Variants in EPAS1 observed in about 807,000 individuals in gnomAD.
EPAS1 encodes endothelial PAS domain-containing protein 1.
Under a neutral mutation model 87.9 loss-of-function variants are expected in EPAS1, and 23 were observed. The observed-to-expected ratio is 0.26, with a 90% confidence interval of 0.19 to 0.37. The LOEUF is 0.37. EPAS1 is among the 10% of genes least tolerant of loss of function. EPAS1 has a pLI of 1.00. For missense variants in EPAS1, 1,138 were observed against 1,120.7 expected (o/e 1.02, Z -0.22); for synonymous variants, 508 against 444.3 (o/e 1.14, Z -1.80).
Position 46,377,877 on chromosome 2 carries a change from G to A in EPAS1, c.1250-17G>A, listed in dbSNP as rs1349367102. The A allele has an allele frequency of 1.3e-6, 2 of 1,551,762 alleles. No individual in the cohort carries two copies. Among genetic ancestry groups the A allele is most frequent in the Non-Finnish European group, 1.7e-6 (2 of 1,147,054 alleles). On this transcript the variant is annotated splice_polypyrimidine_tract_variant and intron_variant, in intron 9 of 15. Transcript: ENST00000263734. ...GATGGTTGTGGGTGTTCACCTCCCA[G>A]GCCCTTGTCTCCACAGGGAATCAGA...
chr2:46,347,220 T>A lies in EPAS1; in HGVS notation c.217+157T>A. 1.3e-6 allele frequency: 1 copy of A among 793,582 alleles called. No homozygotes were observed. The highest frequency in any genetic ancestry group is 2.1e-6 in the Non-Finnish European group (1 of 474,318). The allele number at this position is 793,582 out of a possible 1,614,324, so 49.2% of individuals were successfully genotyped here. A position where few individuals can be genotyped will look rare whatever the true frequency, so the allele number is the denominator to read the frequency against. On this transcript the variant is annotated intron_variant, in intron 2 of 15. Coordinates refer to ENST00000263734, the MANE Select transcript of EPAS1 (RefSeq NM_001430.5). This position sits in a 1 kb window ranked among gnomAD's most constrained non-coding sequence, Gnocchi z 4.2. ...TCATGAGTGATTTATTCCTTCATGT[T>A]AAACATCTCTCTTCCAGCAGTGACC... is the stretch of plus-strand genomic sequence containing the variant.
intron 6 of EPAS1, among the ~76,000 whole-genome samples, chr2:46,363,099 T>C (rs745564377): frequency 3.3e-5 from 5 of 152,156 alleles, no homozygotes; most frequent in Non-Finnish European, 5.9e-5. Flanking sequence ...TAAGGTTATT[T>C]ATCAGATGCA....
chr2:46,382,380 C>T, intron 14 of EPAS1, 45 bp from the exon 15 acceptor site: 1 of 1,609,820 alleles, frequency 6.2e-7, no homozygotes, highest in Non-Finnish European at 8.5e-7. Flanking sequence ...CCTCTCCCCT[C>T]CCTCAGGCCA....
intron 2 of EPAS1, among the ~76,000 whole-genome samples, chr2:46,351,646 G>A (rs1432542580): frequency 6.6e-6 from 1 of 152,210 alleles, no homozygotes; most frequent in Non-Finnish European, 1.5e-5. Flanking sequence ...GAAGGCCCCT[G>A]TGGTGGTCAC....
intron 10 of EPAS1, 79 bp from the exon 11 acceptor site, chr2:46,378,578 T>C: frequency 8.4e-7 from 1 of 1,190,946 alleles, no homozygotes; most frequent in Non-Finnish European, 1.2e-6. Flanking sequence ...TCCAGGAAGG[T>C]ATTTCTTCTT....
chr2:46,348,517 A>G (rs1684083166), intron 2 of EPAS1, among the ~76,000 whole-genome samples: 1 of 152,192 alleles, frequency 6.6e-6, no homozygotes, highest in African/African-American at 2.4e-5. Flanking sequence ...TAATGACTGG[A>G]TGGAGGCCCC....
chr2:46,360,965 G>A lies in EPAS1; in HGVS notation c.654G>A (p.Leu218=), dbSNP rs186340883. 1.9e-6 allele frequency: 3 copies of A among 1,614,186 alleles called. No individual in the cohort carries two copies. In the East Asian group the frequency reaches 6.7e-5, roughly 36 times the overall value. ...GTCTGTGTGGCTACAAGGAGCCCCT[G>A]CTGTCCTGCCTCATCATCATGTGTG... ...HNSLCGYKEP[L]LSCLIIMCEP... The change falls in exon 6 of 16, where the codon CTG becomes CTA. Residue 218 remains leucine, a synonymous_variant. Transcript: ENST00000263734. The surrounding 1 kb of genome is among the most constrained non-coding windows in gnomAD (Gnocchi z 4.5).
rs150560877 is a variant in EPAS1 at position 46,336,320 on chromosome 2, T to C, written c.27-10553T>C. On this transcript the variant is annotated intron_variant, in intron 1 of 15. Coordinates refer to ENST00000263734, the MANE Select transcript of EPAS1 (RefSeq NM_001430.5). ...TCCCCTGGTACTTACAGCACAGTTA[T>C]AGGAGTAGAACGTTTGCATAGAAAA... is the stretch of plus-strand genomic sequence containing the variant. Among the ~76,000 whole-genome samples the C allele has an allele frequency of 3.9e-5, 6 of 152,182 alleles. No individual in the cohort carries two copies. The East Asian group carries it at 9.7e-4, about 25-fold the overall frequency.
chr2:46,313,314 G>C (rs1358074237), intron 1 of EPAS1, among the ~76,000 whole-genome samples: 1 of 152,064 alleles, frequency 6.6e-6, no homozygotes, highest in Non-Finnish European at 1.5e-5. Flanking sequence ...AGGCTGGCCA[G>C]TTAACTTCTG....
intron 1 of EPAS1, among the ~76,000 whole-genome samples, chr2:46,332,617 C>A (rs942115732): frequency 1.3e-5 from 2 of 152,172 alleles, no homozygotes; most frequent in Admixed American, 1.3e-4. Context: ...TTCTTTAGCC[C>A]CACTTGCTGA....
chr2:46,323,512 C>G (rs1683494175), intron 1 of EPAS1, among the ~76,000 whole-genome samples: 1 of 152,210 alleles, frequency 6.6e-6, no homozygotes, highest in Non-Finnish European at 1.5e-5. Flanking sequence ...TCATACGGAA[C>G]TACAAATCTT....
intron 1 of EPAS1, among the ~76,000 whole-genome samples, chr2:46,337,162 A>C (rs916973215): frequency 1.4e-4 from 21 of 152,180 alleles, no homozygotes; most frequent in African/African-American, 4.8e-4. Flanking sequence ...GCTTTAGAGG[A>C]CACCAAAAGA....
chr2:46,377,945 C>G lies in EPAS1; in HGVS notation c.1301C>G (p.Pro434Arg). 1.9e-6 allele frequency: 3 copies of G among 1,558,362 alleles called. No individual in the cohort carries two copies. Among genetic ancestry groups the G allele is most frequent in the South Asian group, 1.2e-5 (1 of 84,534 alleles). Residue 434 changes from proline to arginine, a missense_variant, in exon 10 of 16, where the codon CCG (proline) becomes CGG (arginine). Pro to Arg is a moderately radical substitution (Grantham distance 103, BLOSUM62 -2). This residue lies in a region of EPAS1 where 284 missense variants were observed against 258.4 expected (regional missense o/e 1.10). Transcript: ENST00000263734. ...GCCTATGGCAAGGCCATCCTGCCCCCGAGCCAGCCATGGGCCACGGAGTTG... is the reference window on the plus strand; with the variant it reads ...GCCTATGGCAAGGCCATCCTGCCCCGGAGCCAGCCATGGGCCACGGAGTTG... ...SSAYGKAILP[P>R]SQPWATELRS...
At chr2:46,377,784 C>A (rs964652446) in intron 9 of EPAS1, 110 bp from the exon 10 acceptor site, 12 of 1,540,246 alleles carry the variant, frequency 7.8e-6, no homozygotes, top group Non-Finnish European at 9.7e-6. Context: ...TAGCCCCAGG[C>A]ATGCCTTCCA....
At chr2:46,344,968 G>C (rs571303320) in intron 1 of EPAS1, among the ~76,000 whole-genome samples, 24 of 152,220 alleles carry the variant, frequency 1.6e-4, no homozygotes, top group Non-Finnish European at 2.9e-4. Flanking sequence ...TGAGAGGCAT[G>C]CTCACATTCC....
rs1227022600 is a variant in EPAS1, at chr2:46,375,585, T to A, written c.887-105T>A. The stretch of plus-strand genomic sequence containing the variant: ...CTCACTGTCGTGGCGCCCTGTTCTG[T>A]CTGTTCCCCTGCAGATTAGACTGCC... On this transcript the variant is annotated intron_variant, in intron 7 of 15. Coordinates refer to ENST00000263734, the MANE Select transcript of EPAS1 (RefSeq NM_001430.5). This position sits in a 1 kb window ranked among gnomAD's most constrained non-coding sequence, Gnocchi z 4.1. 7.0e-7 allele frequency: 1 copy of A among 1,433,206 alleles called. No individual in the cohort carries two copies. The highest frequency in any genetic ancestry group is 1.4e-5 in the African/African-American group (1 of 70,408). The allele number at this position is 1,433,206 out of a possible 1,614,324, so 88.8% of individuals were successfully genotyped here. A position where few individuals can be genotyped will look rare whatever the true frequency, so the allele number is the denominator to read the frequency against.
Position 46,381,399 on chromosome 2 carries a change from G to A in EPAS1, c.2046-197G>A, listed in dbSNP as rs1684887889. On this transcript the variant is annotated intron_variant, in intron 12 of 15. Coordinates refer to ENST00000263734, the MANE Select transcript of EPAS1 (RefSeq NM_001430.5). ...CAGACCAGGAGGCTTGAGCCCTTCA[G>A]CATCTTATAGCTGAGGAAGGAGACA... 5 of 791,120 alleles carry A rather than the reference G, an allele frequency of 6.3e-6. No homozygotes were observed. The African/African-American group carries it at 8.5e-5, about 14-fold the overall frequency. 49.0% of individuals were successfully genotyped at this position (791,120 alleles called of 1,614,324 possible).
intron 6 of EPAS1, among the ~76,000 whole-genome samples, chr2:46,361,664 A>G (rs1684389865): frequency 6.6e-6 from 1 of 152,226 alleles, no homozygotes; most frequent in African/African-American, 2.4e-5. Flanking sequence ...GTAGTGATTA[A>G]GAGCATGGGC....
At chr2:46,321,064 T>G (rs116267388) in intron 1 of EPAS1, among the ~76,000 whole-genome samples, 60 of 152,362 alleles carry the variant, frequency 3.9e-4, no homozygotes, top group African/African-American at 1.4e-3. Flanking sequence ...CAATCCCCGA[T>G]AATCACTATT....
Sources: gnomAD v4.1 joint callset for allele counts (sites outside exome capture counted in the v4.1 genomes callset) on GRCh38, gnomAD v4.1.1 for gene constraint, gnomAD v4.1.1 regional missense constraint, Gnocchi (gnomAD v3.1) non-coding constraint, MANE v1.5 for transcripts, NCBI Gene and HGNC (gene_info 2026-07-23, HGNC 2026-07-21) for gene names.